The following IL1RL1 variants were observed in gnomAD, a reference collection of about 807,000 sequenced individuals.
The protein encoded by IL1RL1 is interleukin-1 receptor-like 1.
IL1RL1 carries 32 observed loss-of-function variants against 50.9 expected under a neutral mutation model. That is an observed-to-expected ratio of 0.63 (90% confidence interval 0.47 to 0.84). The LOEUF (loss-of-function observed/expected upper bound fraction) is 0.84, where lower values mean the gene tolerates loss of function less well. Among genes scored for constraint, IL1RL1 ranks in the 40% least tolerant of loss-of-function variants. The pLI is 0.00. For missense variants in IL1RL1, 773 were observed against 662.9 expected, an observed-to-expected ratio of 1.17 and a Z score of -1.82; for synonymous variants, 275 against 236.0, an observed-to-expected ratio of 1.17 and a Z score of -1.51.
At chr2:102,333,028 G>A (rs1308229581) in intron 1 of IL1RL1, among the ~76,000 whole-genome samples, 3 of 152,096 alleles carry the variant, frequency 2.0e-5, no homozygotes, top group African/African-American at 4.8e-5. Context: ...TACGGGGTTG[G>A]AGGGGAGGGG....
intron 10 of IL1RL1, among the ~76,000 whole-genome samples, chr2:102,350,142 G>A (rs916951948): frequency 6.6e-6 from 1 of 152,232 alleles, no homozygotes; most frequent in Admixed American, 6.5e-5. Flanking sequence ...CTTCTCTCAA[G>A]GCTCTCTTCT....
At chr2:102,317,418 T>G (rs1676710392) in intron 1 of IL1RL1, among the ~76,000 whole-genome samples, 1 of 152,162 alleles carries the variant, frequency 6.6e-6, no homozygotes, top group Non-Finnish European at 1.5e-5. Flanking sequence ...AATATTACAC[T>G]GTTACAGATA....
At chr2:102,345,508 C>T in intron 8 of IL1RL1, 1 of 985,376 alleles carries the variant, frequency 1.0e-6, no homozygotes, top group Non-Finnish European at 1.2e-6. Context: ...TGAGTTCCCA[C>T]CCATGTGTGT....
chr2:102,315,786 C>T (rs1676657321), intron 1 of IL1RL1, among the ~76,000 whole-genome samples: 1 of 152,142 alleles, frequency 6.6e-6, no homozygotes, highest in South Asian at 2.1e-4. Context: ...GAAAACTAGC[C>T]CCTATGCAAA....
At position 102,351,900 on chromosome 2, in the gene IL1RL1, C is replaced by G. The variant is rs2105003541; in HGVS notation, c.1650C>G (p.Pro550=). ...CCAGAAAGGCCTCTAGTTTGACTCC[C>G]TTGGCTGCCCAGAAGCAATAGTGCC... ...KIPRKASSLT[P]LAAQKQ is the part of the protein sequence containing the mutation. The change falls in exon 11 of 11, where the codon CCC becomes CCG. Residue 550 remains proline (P), a synonymous_variant. Transcript: ENST00000233954. 6.2e-7 allele frequency: 1 copy of G among 1,611,276 alleles called. No individual in the cohort carries two copies. Among genetic ancestry groups the G allele is most frequent in the East Asian group, 2.2e-5 (1 of 44,876 alleles).
At chr2:102,324,931 C>T (rs1329328534) in intron 1 of IL1RL1, among the ~76,000 whole-genome samples, 18 of 152,190 alleles carry the variant, frequency 1.2e-4, no homozygotes, top group Admixed American at 1.2e-3. Context: ...GGGGGCAGGG[C>T]ATAGCTAAAC....
intron 1 of IL1RL1, among the ~76,000 whole-genome samples, chr2:102,337,860 C>A (rs1192776507): frequency 6.6e-6 from 1 of 151,976 alleles, no homozygotes; most frequent in Non-Finnish European, 1.5e-5. Context: ...TCTTTCAGGA[C>A]ATTCTCATGA....
chr2:102,345,950 C>A, intron 8 of IL1RL1: 1 of 985,372 alleles, frequency 1.0e-6, no homozygotes, highest in Non-Finnish European at 1.2e-6. Context: ...TCCCTGGTTA[C>A]CTATGTGTTT....
At chr2:102,331,716 G>C (rs1237730982) in intron 1 of IL1RL1, among the ~76,000 whole-genome samples, 1 of 152,140 alleles carries the variant, frequency 6.6e-6, no homozygotes, top group African/African-American at 2.4e-5. Context: ...ATATATAAAA[G>C]CTTTATTTTT....
At chr2:102,329,566 G>A (rs970724079) in intron 1 of IL1RL1, among the ~76,000 whole-genome samples, 49 of 152,086 alleles carry the variant, frequency 3.2e-4, no homozygotes, top group South Asian at 2.1e-4. Flanking sequence ...TACAGAATGG[G>A]AGAAAATTTT....
At chr2:102,312,015 TATATA>T (rs1366800742) in intron 1 of IL1RL1, among the ~76,000 whole-genome samples, 697 of 16,696 alleles carry the variant, frequency 0.042, 44 homozygotes, top group African/African-American at 0.17. Flanking sequence ...ATATATATTA[TATATA>T]ATATATATTA....
intron 1 of IL1RL1, among the ~76,000 whole-genome samples, chr2:102,327,535 A>ACCTTC (rs1347828127): frequency 1.1e-4 from 17 of 152,208 alleles, no homozygotes; most frequent in Non-Finnish European, 2.2e-4. Context: ...AGAGACACAA[A>ACCTTC]AAACCCTTCA....
chr2:102,351,128 T>C (rs1005527069), intron 10 of IL1RL1, among the ~76,000 whole-genome samples: 1 of 152,194 alleles, frequency 6.6e-6, no homozygotes, highest in Non-Finnish European at 1.5e-5. Flanking sequence ...GAGTTTGTGA[T>C]TTTTAATATG....
intron 1 of IL1RL1, among the ~76,000 whole-genome samples, chr2:102,331,654 G>A (rs866575262): frequency 3.3e-5 from 5 of 152,144 alleles, no homozygotes; most frequent in South Asian, 2.1e-4. Context: ...ACAGATATTC[G>A]GGGTAGAGAT....
intron 10 of IL1RL1, 103 bp downstream of exon 10, chr2:102,349,349 C>A: frequency 2.3e-6 from 2 of 877,852 alleles, no homozygotes; most frequent in South Asian, 1.5e-5. Context: ...CATTTACTAC[C>A]ACAGGCCTTA....
At chr2:102,335,988 T>C (rs879456642) in intron 1 of IL1RL1, among the ~76,000 whole-genome samples, 2 of 152,106 alleles carry the variant, frequency 1.3e-5, no homozygotes, top group Non-Finnish European at 2.9e-5. Flanking sequence ...CTCCCCGCGG[T>C]CAAAGGACTG....
rs758557361 is a variant in IL1RL1, at chr2:102,340,211, C to G, written c.386C>G (p.Ser129Cys). The stretch of plus-strand genomic sequence containing the variant: ...ACAGTATCTGGATCAGAAAAAAATT[C>G]CAAAATTTATTGTCCTACCATTGAC... ...YSTVSGSEKNSKIYCPTIDLY... is the reference protein window; with the variant it reads ...YSTVSGSEKNCKIYCPTIDLY... The change falls in exon 4 of 11, where the codon TCC becomes TGC. Residue 129 changes from serine to cysteine, a missense_variant. Transcript: ENST00000233954. The G allele has an allele frequency of 1.2e-6, 2 of 1,605,620 alleles. No individual in the cohort carries two copies. Among genetic ancestry groups the G allele is most frequent in the Non-Finnish European group, 8.5e-7 (1 of 1,177,454 alleles).
In IL1RL1 at chr2:102,343,084, A is replaced by G. The variant is rs569442080; in HGVS notation, c.731A>G (p.Gln244Arg). The G allele has an allele frequency of 1.2e-6, 2 of 1,614,146 alleles. No homozygotes were observed. Among genetic ancestry groups the G allele is most frequent in the South Asian group, 2.2e-5 (2 of 91,082 alleles). ...TCTGCTTGTTTTGGAAAAGGCACTC[A>G]GTTCTTGGCTGCCGTCCTGTGGCAG... ...TCSACFGKGT[Q>R]FLAAVLWQLN... is the part of the protein sequence containing the mutation. The change falls in exon 7 of 11, where the codon CAG becomes CGG. Residue 244 changes from glutamine to arginine, a missense_variant. Physicochemically the swap from Gln to Arg is conservative, Grantham distance 43 (BLOSUM62 1). Transcript: ENST00000233954.
chr2:102,342,992 C>A (rs760313036), intron 6 of IL1RL1, 44 bp from the exon 7 acceptor site: 3 of 1,585,254 alleles, frequency 1.9e-6, no homozygotes, highest in East Asian at 2.2e-5. Context: ...AAATGCCAGT[C>A]GCAGAAGTTA....
Sources: gnomAD v4.1 joint callset for allele counts (sites outside exome capture counted in the v4.1 genomes callset) on GRCh38, gnomAD v4.1.1 for gene constraint, MANE v1.5 for transcripts, NCBI Gene and HGNC (gene_info 2026-07-23, HGNC 2026-07-21) for gene names.